The following DRC3 variants were observed in gnomAD, a reference collection of about 807,000 sequenced individuals.
DRC3 encodes the protein dynein regulatory complex subunit 3.
Under a neutral mutation model 57.6 loss-of-function variants are expected in DRC3, and 45 were observed. That is an observed-to-expected ratio of 0.78 (90% CI 0.62 to 1.00). The LOEUF (loss-of-function observed/expected upper bound fraction) is 1.00, where lower values mean the gene tolerates loss of function less well. DRC3 is among the 50% of genes least tolerant of loss of function. The pLI is 0.00. For missense variants in DRC3, 655 were observed against 675.2 expected (o/e 0.97, Z 0.33); for synonymous variants, 257 against 272.3 (o/e 0.94, Z 0.55).
intron 11 of DRC3, 61 bp downstream of exon 11, chr17:18,006,314 C>A: frequency 8.0e-7 from 1 of 1,243,796 alleles, no homozygotes; most frequent in Non-Finnish European, 1.2e-6. Flanking sequence ...GGGCTTGTCC[C>A]GGCCTCTGGA....
chr17:17,991,622 T>C (rs1343173007), intron 5 of DRC3, among the ~76,000 whole-genome samples: 1 of 152,162 alleles, frequency 6.6e-6, no homozygotes, highest in Admixed American at 6.5e-5. Context: ...AAATACTTTT[T>C]TGCCAGTACT....
At position 17,993,104 on chromosome 17, in the gene DRC3, G is replaced by C. The variant is rs891742495; in HGVS notation, c.591+193G>C. 14 of 603,292 alleles carry C rather than the reference G, an allele frequency of 2.3e-5. No individual in the cohort carries two copies. The South Asian group carries it at 2.9e-4, about 12-fold the overall frequency. The allele number at this position is 603,292 out of a possible 1,614,324, so 37.4% of individuals were successfully genotyped here. A position where few individuals can be genotyped will look rare whatever the true frequency, so the allele number is the denominator to read the frequency against. On this transcript the variant is annotated intron_variant, in intron 6 of 13. Coordinates refer to ENST00000399187, the MANE Select transcript of DRC3 (RefSeq NM_031294.4). The stretch of plus-strand genomic sequence containing the variant: ...GCAGCACCCTTGTAAGTACTGTTTT[G>C]TGTGCGTTCCCAGGGGCCAGGCCTC...
intron 2 of DRC3, among the ~76,000 whole-genome samples, chr17:17,974,774 C>T (rs1419643749): frequency 6.6e-6 from 1 of 152,180 alleles, no homozygotes; most frequent in African/African-American, 2.4e-5. Flanking sequence ...TCATAGTTCC[C>T]TACACCTACA....
intron 9 of DRC3, among the ~76,000 whole-genome samples, chr17:17,998,010 T>C (rs1319131488): frequency 6.6e-6 from 1 of 152,218 alleles, no homozygotes; most frequent in Non-Finnish European, 1.5e-5. Flanking sequence ...CATTCATTCA[T>C]TTAATAGACA....
At chr17:17,991,666 A>T (rs773631653) in intron 5 of DRC3, among the ~76,000 whole-genome samples, 1 of 152,168 alleles carries the variant, frequency 6.6e-6, no homozygotes, top group Non-Finnish European at 1.5e-5. Context: ...CTTTTGCACC[A>T]ATCTAATATT....
Position 17,997,570 on chromosome 17 carries a change from C to A in DRC3, c.935C>A (p.Ala312Asp). ...LDTFSECVRE[A>D]IQENQEQGKR... ...ACCTTCAGTGAATGTGTCCGTGAGG[C>A]CATCCAGGAAAACCAGGAGCAGGGC... The change falls in exon 9 of 14, where the codon GCC (alanine) becomes GAC (aspartate). Residue 312 changes from alanine to aspartate, a missense_variant. Coordinates refer to ENST00000399187, the MANE Select transcript of DRC3 (RefSeq NM_031294.4). The A allele has an allele frequency of 1.2e-6, 2 of 1,609,864 alleles. No individual in the cohort carries two copies. The highest frequency in any genetic ancestry group is 2.2e-5 in the South Asian group (2 of 90,216).
intron 2 of DRC3, among the ~76,000 whole-genome samples, chr17:17,974,882 TACTC>T (rs2042309999): frequency 6.6e-6 from 1 of 152,248 alleles, no homozygotes; most frequent in South Asian, 2.1e-4. Context: ...ATATAGCAGT[TACTC>T]ACTACCCATG....
intron 9 of DRC3, among the ~76,000 whole-genome samples, chr17:18,004,157 A>C (rs975552165): frequency 1.3e-5 from 2 of 152,104 alleles, no homozygotes; most frequent in African/African-American, 2.4e-5. Context: ...GGGGCTATCA[A>C]TCGCACTTTA....
rs34046558 is a variant in DRC3, at chr17:17,977,693, G to A, written c.95G>A (p.Gly32Glu). The A allele has an allele frequency of 2.0e-3, 3,218 of 1,613,760 alleles. 65 individuals are homozygous for A. In the African/African-American group the frequency reaches 0.038, roughly 19 times the overall value. The change falls in exon 3 of 14, where the codon GGG becomes GAG. Residue 32 changes from glycine to glutamate, a missense_variant. Gly to Glu is a moderately conservative substitution (Grantham distance 98). Transcript: ENST00000399187. ...GACCAGGGCCCCCAGGAGGAGGCCG[G>A]GCAGCTGGCCAAGCAGGAGGGCATC... ...VGDQGPQEEA[G>E]QLAKQEGILF...
chr17:17,987,929 C>T lies in DRC3; in HGVS notation c.278-3C>T. 6.2e-7 allele frequency: 1 copy of T among 1,613,646 alleles called. No individual in the cohort carries two copies. The highest frequency in any genetic ancestry group is 2.2e-5 in the East Asian group (1 of 44,872). On this transcript the variant is annotated splice_polypyrimidine_tract_variant and splice_region_variant and intron_variant, in intron 4 of 13. Transcript: ENST00000399187. Reference sequence around the variant, plus strand: ...GACCCTCACAGCCCTCTCTTCTTCCCAGATCTGTCTTTCAACAACATTGAG... The same window carrying T: ...GACCCTCACAGCCCTCTCTTCTTCCTAGATCTGTCTTTCAACAACATTGAG...
chr17:17,994,541 C>A, intron 7 of DRC3, 123 bp downstream of exon 7: 1 of 1,344,254 alleles, frequency 7.4e-7, no homozygotes, highest in Non-Finnish European at 1.0e-6. Flanking sequence ...GCTCCCTCCA[C>A]AGGGCCTGAT....
At chr17:18,010,933 G>A in intron 12 of DRC3, 2 of 260,102 alleles carry the variant, frequency 7.7e-6, no homozygotes, top group Non-Finnish European at 7.6e-6. Context: ...CTCTCTCAAG[G>A]ATGAGGTTTT....
chr17:18,012,971 A>G (rs1015833019), intron 12 of DRC3, among the ~76,000 whole-genome samples: 2 of 152,184 alleles, frequency 1.3e-5, no homozygotes, highest in Non-Finnish European at 2.9e-5. Flanking sequence ...TAGCAAAAAA[A>G]CAAACAATTC....
intron 12 of DRC3, among the ~76,000 whole-genome samples, chr17:18,014,267 A>G (rs1402909190): frequency 6.6e-6 from 1 of 152,210 alleles, no homozygotes; most frequent in Non-Finnish European, 1.5e-5. Context: ...TTTGAAAGAA[A>G]TGTGTCTTTA....
At chr17:18,000,171 C>T (rs1487572225) in intron 9 of DRC3, among the ~76,000 whole-genome samples, 1 of 132,282 alleles carries the variant, frequency 7.6e-6, no homozygotes, top group African/African-American at 3.0e-5. Context: ...CATAGCATGC[C>T]CTGTTCTGTA....
chr17:17,973,791 T>C (rs921845417), intron 1 of DRC3, 61 bp from the exon 2 acceptor site: 1 of 152,216 alleles, frequency 6.6e-6, no homozygotes, highest in Non-Finnish European at 1.5e-5. Flanking sequence ...TCCTTATTAA[T>C]TCATGGCCAA....
chr17:17,977,724 C>G lies in DRC3; in HGVS notation c.126C>G (p.Phe42Leu). ...TGGCCAAGCAGGAGGGCATCCTCTT[C>G]AAGGATGTCCTGTCCCTGCAGCTGG... ...GQLAKQEGILFKDVLSLQLDF... is the reference protein window; with the variant it reads ...GQLAKQEGILLKDVLSLQLDF... Residue 42 changes from phenylalanine to leucine, a missense_variant, in exon 3 of 14, where the codon TTC becomes TTG. Coordinates refer to ENST00000399187, the MANE Select transcript of DRC3 (RefSeq NM_031294.4). 2 of 1,612,146 alleles carry G rather than the reference C, an allele frequency of 1.2e-6. No homozygotes were observed. The highest frequency in any genetic ancestry group is 1.7e-6 in the Non-Finnish European group (2 of 1,178,922).
intron 9 of DRC3, among the ~76,000 whole-genome samples, chr17:17,999,112 G>C (rs1262408750): frequency 2.0e-5 from 3 of 152,182 alleles, no homozygotes; most frequent in Non-Finnish European, 2.9e-5. Context: ...CCTGGTGCAG[G>C]GACCCAGCCC....
intron 12 of DRC3, chr17:18,015,209 T>C (rs946924630): frequency 6.6e-6 from 1 of 152,310 alleles, no homozygotes; most frequent in Admixed American, 6.5e-5. Flanking sequence ...AATATTAACA[T>C]CTTAAGATTG....
Sources: allele counts gnomAD v4.1 joint callset (sites outside exome capture counted in the v4.1 genomes callset), GRCh38; gene constraint gnomAD v4.1.1; transcripts MANE v1.5; gene names NCBI Gene and HGNC (gene_info 2026-07-23, HGNC 2026-07-21).